MDGA2: variants seen among roughly 807,000 people sequenced by gnomAD.
The protein encoded by MDGA2 is MAM domain containing glycosylphosphatidylinositol anchor 2.
MDGA2 carries 40 observed loss-of-function variants against 117.8 expected under a neutral mutation model. The ratio of observed to expected loss-of-function variants is 0.34; its 90% CI spans 0.26 to 0.44. The LOEUF is 0.44. Among genes scored for constraint, MDGA2 ranks in the 20% least tolerant of loss-of-function variants. MDGA2 has a pLI of 1.00. For missense variants in MDGA2, 1,123 were observed against 1,250.6 expected (o/e 0.90, Z 1.54); for synonymous variants, 452 against 439.0 (o/e 1.03, Z -0.37).
At chr14:47,506,715 G>C (rs556195290) in intron 1 of MDGA2, among the ~76,000 whole-genome samples, 28 of 152,134 alleles carry the variant, frequency 1.8e-4, no homozygotes, top group Non-Finnish European at 2.8e-4. Context: ...CCAACACTTA[G>C]TATGAAAAAA....
At chr14:46,933,525 T>TA (rs1330126931) in intron 9 of MDGA2, among the ~76,000 whole-genome samples, 1 of 151,468 alleles carries the variant, frequency 6.6e-6, no homozygotes, top group African/African-American at 2.4e-5. Context: ...TAATAAATGT[T>TA]AATCTCCCAC....
chr14:47,225,082 C>T (rs1335157582), intron 2 of MDGA2, among the ~76,000 whole-genome samples: 1 of 152,166 alleles, frequency 6.6e-6, no homozygotes, highest in Non-Finnish European at 1.5e-5. Context: ...TTAACCTTAA[C>T]ATTTCTCTGC....
chr14:47,346,658 G>C (rs1890769310), intron 1 of MDGA2, among the ~76,000 whole-genome samples: 1 of 152,108 alleles, frequency 6.6e-6, no homozygotes, highest in Non-Finnish European at 1.5e-5. Context: ...TCCAACTGGA[G>C]TAAATATTCT....
chr14:47,061,415 C>T lies in MDGA2; in HGVS notation c.1359G>A (p.Glu453=). 1 of 1,613,652 alleles carries T rather than the reference C, an allele frequency of 6.2e-7. No individual in the cohort carries two copies. Among genetic ancestry groups the T allele is most frequent in the Non-Finnish European group, 8.5e-7 (1 of 1,179,686 alleles). The change falls in exon 7 of 17, where the codon GAG becomes GAA. Residue 453 remains glutamate, a synonymous_variant. Transcript: ENST00000399232. The part of the protein sequence containing the change: ...FKNGRPLRSS[E]RMVITQTDPD... ...GATCAGTCTGTGTAATGACCATCCG[C>T]TCAGAACTTCTTAATGGACGACCAT... is the stretch of plus-strand genomic sequence containing the variant.
intron 9 of MDGA2, among the ~76,000 whole-genome samples, chr14:46,945,933 G>C (rs1225002314): frequency 6.6e-6 from 1 of 151,944 alleles, no homozygotes; most frequent in Non-Finnish European, 1.5e-5. Context: ...AGATTTTAAG[G>C]AAGACATGAG....
intron 11 of MDGA2, among the ~76,000 whole-genome samples, chr14:46,877,955 A>G (rs1298137217): frequency 1.3e-5 from 2 of 151,946 alleles, no homozygotes; most frequent in African/African-American, 4.8e-5. Flanking sequence ...AGAGTAAAGT[A>G]GAAAGTTCAT....
chr14:47,477,142 A>T (rs920322328), intron 1 of MDGA2, among the ~76,000 whole-genome samples: 1 of 152,228 alleles, frequency 6.6e-6, no homozygotes, highest in Non-Finnish European at 1.5e-5. Flanking sequence ...AGCCTGGGTG[A>T]CAGAGTGAGC....
At chr14:47,118,168 A>G (rs1470113695) in intron 5 of MDGA2, among the ~76,000 whole-genome samples, 4 of 152,176 alleles carry the variant, frequency 2.6e-5, no homozygotes, top group Non-Finnish European at 5.9e-5. Context: ...TTTCAACAAG[A>G]GCCAATTCAA....
chr14:47,273,804 A>T (rs894696596), intron 2 of MDGA2, among the ~76,000 whole-genome samples: 8 of 152,162 alleles, frequency 5.3e-5, no homozygotes, highest in African/African-American at 1.9e-4. Flanking sequence ...CTCCCTATGC[A>T]TGAAGACCTA....
At position 46,841,784 on chromosome 14, in the gene MDGA2, TA is replaced by T. The variant is rs1372732072; in HGVS notation, c.*146del. On this transcript the variant is annotated 3_prime_UTR_variant, in exon 17 of 17. Coordinates refer to ENST00000399232, the MANE Select transcript of MDGA2 (RefSeq NM_001113498.3). The stretch of plus-strand genomic sequence containing the variant: ...ATGATGTCTTTTTATCCCCAGTGCT[TA>T]AAAAAATTTGTTTTTATTATTTTAT... 2 of 532,676 alleles carry T rather than the reference TA, an allele frequency of 3.8e-6. No homozygotes were observed. The highest frequency in any genetic ancestry group is 6.7e-6 in the Non-Finnish European group (2 of 299,238). The allele number at this position is 532,676 out of a possible 1,614,324, so 33.0% of individuals were successfully genotyped here. A position where few individuals can be genotyped will look rare whatever the true frequency, so the allele number is the denominator to read the frequency against.
At chr14:46,970,206 A>G (rs1424688349) in intron 8 of MDGA2, among the ~76,000 whole-genome samples, 1 of 151,994 alleles carries the variant, frequency 6.6e-6, no homozygotes, top group Non-Finnish European at 1.5e-5. Context: ...ACAATCCTGG[A>G]ATTTGTATGA....
intron 2 of MDGA2, among the ~76,000 whole-genome samples, chr14:47,255,710 C>G (rs551922421): frequency 2.0e-5 from 3 of 151,892 alleles, no homozygotes; most frequent in African/African-American, 7.3e-5. Context: ...AGCTTTTATT[C>G]TGTCAACTGC....
intron 1 of MDGA2, among the ~76,000 whole-genome samples, chr14:47,453,320 T>C (rs919234976): frequency 2.0e-5 from 3 of 152,122 alleles, no homozygotes; most frequent in Non-Finnish European, 2.9e-5. Flanking sequence ...AAATTTTCCT[T>C]ACAAAGGGGT....
chr14:47,009,395 C>A (rs1887819916), intron 8 of MDGA2, among the ~76,000 whole-genome samples: 1 of 151,970 alleles, frequency 6.6e-6, no homozygotes, highest in Non-Finnish European at 1.5e-5. Context: ...CAACTCTTTG[C>A]AAATCAGATT....
intron 9 of MDGA2, among the ~76,000 whole-genome samples, chr14:46,941,224 G>A (rs1884989159): frequency 6.6e-6 from 1 of 152,136 alleles, no homozygotes; most frequent in Non-Finnish European, 1.5e-5. Context: ...TTTTAAAATA[G>A]ACAAAGTCAT....
chr14:47,155,888 C>T (rs12435294), intron 3 of MDGA2, among the ~76,000 whole-genome samples: 9,469 of 40,042 alleles, frequency 0.24, 1,047 homozygotes, highest in African/African-American at 0.31. Flanking sequence ...TCTTCTTCTT[C>T]TTTTTTTTTT....
intron 1 of MDGA2, among the ~76,000 whole-genome samples, chr14:47,327,012 A>G (rs1016720037): frequency 6.6e-6 from 1 of 151,996 alleles, no homozygotes; most frequent in African/African-American, 2.4e-5. Context: ...AGTGTGAAAG[A>G]CTCTGGAACT....
intron 7 of MDGA2, among the ~76,000 whole-genome samples, chr14:47,044,070 A>G (rs72678444): frequency 5.5e-4 from 83 of 151,898 alleles, no homozygotes; most frequent in Non-Finnish European, 8.8e-4. Context: ...AACATTTTAA[A>G]GGTTTTTTTT....
At position 46,947,089 on chromosome 14, in the gene MDGA2, T is replaced by A. The variant is rs554788635; in HGVS notation, c.2089+10285A>T. 6.6e-5 allele frequency among the ~76,000 whole-genome samples: 10 copies of A among 152,270 alleles called. No individual in the cohort carries two copies. The South Asian group carries it at 2.1e-3, about 32-fold the overall frequency. On this transcript the variant is annotated intron_variant, in intron 9 of 16. Transcript: ENST00000399232. The stretch of plus-strand genomic sequence containing the variant: ...TTTTCCCTCAGATCCATCTCTTTCT[T>A]GCTTAATTCCAACAAACAAGAATTC...
Sources: gnomAD v4.1 joint callset for allele counts (sites outside exome capture counted in the v4.1 genomes callset) on GRCh38, gnomAD v4.1.1 for gene constraint, MANE v1.5 for transcripts, NCBI Gene and HGNC (gene_info 2026-07-23, HGNC 2026-07-21) for gene names.